SH3KBP1: variants seen among roughly 807,000 people sequenced by gnomAD.
SH3KBP1 encodes the protein SH3 domain containing kinase binding protein 1, also known as SH3 domain-containing kinase-binding protein 1.
SH3KBP1 carries 8 observed loss-of-function variants against 50.1 expected under a neutral mutation model. The observed-to-expected ratio is 0.16, with a 90% confidence interval of 0.09 to 0.29. The LOEUF (loss-of-function observed/expected upper bound fraction) is 0.29, where lower values mean the gene tolerates loss of function less well. Among genes scored for constraint, SH3KBP1 ranks in the 10% least tolerant of loss-of-function variants. The pLI is 1.00. For synonymous variants in SH3KBP1, 227 were observed against 218.6 expected, an observed-to-expected ratio of 1.04 and a Z score of -0.34; for missense variants, 377 against 535.2, an observed-to-expected ratio of 0.70 and a Z score of 2.92.
intron 8 of SH3KBP1, among the ~76,000 whole-genome samples, chrX:19,619,950 G>A (rs766541098): frequency 1.8e-5 from 2 of 111,784 alleles, no homozygotes; most frequent in Non-Finnish European, 3.8e-5. Context: ...CTTAAAAGCT[G>A]TTTCTAATGG....
At chrX:19,766,483 CTTTTTTT>C (rs61439964) in intron 2 of SH3KBP1, among the ~76,000 whole-genome samples, 2 of 22,590 alleles carry the variant, frequency 8.9e-5, no homozygotes, top group African/African-American at 3.4e-4. Flanking sequence ...TTGATTGCAT[CTTTTTTT>C]TTTTTTTTTT....
At chrX:19,649,753 A>G (rs185855510) in intron 6 of SH3KBP1, among the ~76,000 whole-genome samples, 138 of 111,860 alleles carry the variant, frequency 1.2e-3, no homozygotes, top group African/African-American at 4.2e-3. Flanking sequence ...GATAACCACC[A>G]TATGATTTCA....
intron 12 of SH3KBP1, among the ~76,000 whole-genome samples, chrX:19,572,398 T>TTA (rs996035595): frequency 2.0e-4 from 18 of 90,642 alleles, no homozygotes; most frequent in South Asian, 4.4e-4. Flanking sequence ...CATACATATG[T>TTA]TATATATAGT....
chrX:19,736,642 A>C (rs2064585929), intron 3 of SH3KBP1, among the ~76,000 whole-genome samples: 1 of 111,773 alleles, frequency 8.9e-6, no homozygotes, highest in African/African-American at 3.3e-5. Flanking sequence ...TGGCCTAATC[A>C]TGAGTTAGGG....
chrX:19,663,345 A>T (rs2062510095), intron 6 of SH3KBP1, among the ~76,000 whole-genome samples: 1 of 111,897 alleles, frequency 8.9e-6, no homozygotes, highest in Admixed American at 9.5e-5. Flanking sequence ...TAGGGGAGAC[A>T]ATGTGCACAG....
At chrX:19,842,908 C>T (rs770403077) in intron 1 of SH3KBP1, among the ~76,000 whole-genome samples, 3 of 111,101 alleles carry the variant, frequency 2.7e-5, no homozygotes, top group Admixed American at 1.9e-4. Context: ...TATAAACTAC[C>T]CCAATGCCTT....
intron 9 of SH3KBP1, among the ~76,000 whole-genome samples, chrX:19,597,204 A>G (rs2066931621): frequency 8.9e-6 from 1 of 112,240 alleles, no homozygotes; most frequent in South Asian, 3.7e-4. Flanking sequence ...TGAAAACGGC[A>G]TTCATCTTCT....
chrX:19,809,489 A>C (rs757443068), intron 2 of SH3KBP1, among the ~76,000 whole-genome samples: 11 of 110,574 alleles, frequency 9.9e-5, no homozygotes, highest in Non-Finnish European at 1.5e-4. Context: ...GCACCACTGC[A>C]CTCCAGCCTG....
At chrX:19,723,546 A>G (rs750708520) in intron 3 of SH3KBP1, among the ~76,000 whole-genome samples, 27 of 112,120 alleles carry the variant, frequency 2.4e-4, no homozygotes, top group Non-Finnish European at 9.4e-5. Flanking sequence ...TCAAATGACT[A>G]TCTGCATCTG....
chrX:19,803,123 G>T (rs764284152), intron 2 of SH3KBP1, among the ~76,000 whole-genome samples: 1 of 111,759 alleles, frequency 8.9e-6, no homozygotes, highest in Non-Finnish European at 1.9e-5. Flanking sequence ...TCTGCTTCTC[G>T]GCTCCAACCC....
intron 2 of SH3KBP1, among the ~76,000 whole-genome samples, chrX:19,796,750 A>T (rs963074438): frequency 8.9e-6 from 1 of 112,433 alleles, no homozygotes; most frequent in Non-Finnish European, 1.9e-5. Flanking sequence ...CACGTTGAAG[A>T]CAGGTGGTTT....
chrX:19,799,647 T>C (rs756228260), intron 2 of SH3KBP1: 2 of 1,209,665 alleles, frequency 1.7e-6, no homozygotes, highest in South Asian at 3.5e-5. Flanking sequence ...CTCAGACAAG[T>C]CTGCGGCACT....
At chrX:19,847,147 T>C (rs1363916928) in intron 1 of SH3KBP1, among the ~76,000 whole-genome samples, 4 of 111,463 alleles carry the variant, frequency 3.6e-5, no homozygotes, top group Non-Finnish European at 7.5e-5. Flanking sequence ...ATAAGAGAGA[T>C]AGCAGACAGT....
At chrX:19,595,229 T>G (rs182437060) in intron 9 of SH3KBP1, among the ~76,000 whole-genome samples, 6 of 112,244 alleles carry the variant, frequency 5.3e-5, no homozygotes, top group African/African-American at 1.9e-4. Flanking sequence ...GAAACGCCAT[T>G]TCCCCCTTTC....
At chrX:19,565,404 TC>T (rs1002369191) in intron 13 of SH3KBP1, among the ~76,000 whole-genome samples, 4 of 111,623 alleles carry the variant, frequency 3.6e-5, no homozygotes. Flanking sequence ...TTGCTCAGTT[TC>T]CCCAGCTTGC....
At chrX:19,856,423 T>C (rs2068643878) in intron 1 of SH3KBP1, among the ~76,000 whole-genome samples, 1 of 111,669 alleles carries the variant, frequency 9.0e-6, no homozygotes, top group Non-Finnish European at 1.9e-5. Context: ...TAGAATGAAA[T>C]GATAAACGGG....
At chrX:19,802,119 G>A (rs968621425) in intron 2 of SH3KBP1, among the ~76,000 whole-genome samples, 1 of 109,383 alleles carries the variant, frequency 9.1e-6, no homozygotes, top group African/African-American at 3.3e-5. Context: ...GAGGCTCAGT[G>A]CGGTGGCTCA....
At chrX:19,880,246 A>G (rs969657957) in intron 1 of SH3KBP1, among the ~76,000 whole-genome samples, 7 of 113,171 alleles carry the variant, frequency 6.2e-5, no homozygotes, top group Admixed American at 9.3e-5. Context: ...GACCTTGTCA[A>G]CATGCTCTGC....
intron 5 of SH3KBP1, among the ~76,000 whole-genome samples, chrX:19,684,921 G>A (rs748432527): frequency 8.9e-6 from 1 of 112,317 alleles, no homozygotes; most frequent in East Asian, 2.8e-4. Flanking sequence ...CCACAATCAT[G>A]TTCCTAAAAG....
Sources: allele counts gnomAD v4.1 joint callset (sites outside exome capture counted in the v4.1 genomes callset), GRCh38; gene constraint gnomAD v4.1.1; transcripts MANE v1.5; gene names NCBI Gene and HGNC (gene_info 2026-07-23, HGNC 2026-07-21).